TEAD1: variants seen among roughly 807,000 people sequenced by gnomAD.
TEAD1 encodes TEA domain transcription factor 1.
TEAD1 carries 9 observed loss-of-function variants against 54.9 expected under a neutral mutation model. That is an observed-to-expected ratio of 0.16 (90% CI 0.10 to 0.29). The LOEUF (loss-of-function observed/expected upper bound fraction) is 0.29, where lower values mean the gene tolerates loss of function less well. Ranked by LOEUF, TEAD1 falls within the 10% of genes least tolerant of loss-of-function variation. TEAD1 has a pLI of 1.00. For missense variants in TEAD1, 387 were observed against 535.9 expected, an observed-to-expected ratio of 0.72 and a Z score of 2.74; for synonymous variants, 200 against 187.8, an observed-to-expected ratio of 1.07 and a Z score of -0.53.
chr11:12,760,894 A>G (rs1047596071), intron 2 of TEAD1, among the ~76,000 whole-genome samples: 10 of 152,110 alleles, frequency 6.6e-5, no homozygotes, highest in Non-Finnish European at 1.0e-4. Flanking sequence ...GTGTTAGGAA[A>G]TTCTCTGCCC....
chr11:12,799,613 G>A (rs770338816), intron 3 of TEAD1, among the ~76,000 whole-genome samples: 1 of 152,230 alleles, frequency 6.6e-6, no homozygotes, highest in Non-Finnish European at 1.5e-5. Flanking sequence ...ATGCTGGTAA[G>A]AAGAGTTATT....
intron 2 of TEAD1, among the ~76,000 whole-genome samples, chr11:12,721,697 GA>G (rs1033461847): frequency 3.3e-5 from 5 of 151,248 alleles, no homozygotes; most frequent in African/African-American, 7.3e-5. Context: ...TATTTCAACA[GA>G]AAAAAAAAGT....
chr11:12,811,193 A>G (rs766381693), intron 3 of TEAD1, among the ~76,000 whole-genome samples: 31 of 152,236 alleles, frequency 2.0e-4, no homozygotes, highest in Non-Finnish European at 3.8e-4. Flanking sequence ...CTGCTGGGAA[A>G]GTAAAGCTTT....
chr11:12,893,695 G>A lies in TEAD1; in HGVS notation c.700-8245G>A, dbSNP rs996551712. On this transcript the variant is annotated intron_variant, in intron 9 of 12. Coordinates refer to ENST00000527636, the MANE Select transcript of TEAD1 (RefSeq NM_021961.6). ...GTAGAGATGGTGCTGGGAGTGGGAG[G>A]TGGGAAGGATGCATCTCGGTGTGAG... 2.6e-5 allele frequency among the ~76,000 whole-genome samples: 4 copies of A among 152,172 alleles called. No individual in the cohort carries two copies. The South Asian group carries it at 6.2e-4, about 24-fold the overall frequency.
intron 3 of TEAD1, among the ~76,000 whole-genome samples, chr11:12,783,119 T>TGC (rs1191228923): frequency 6.6e-6 from 1 of 150,718 alleles, no homozygotes; most frequent in Non-Finnish European, 1.5e-5. Flanking sequence ...TGTGTGTGTG[T>TGC]GTGTGTGTGT....
intron 3 of TEAD1, among the ~76,000 whole-genome samples, chr11:12,831,196 CTTCT>C (rs1276056408): frequency 1.3e-5 from 2 of 152,176 alleles, no homozygotes; most frequent in Non-Finnish European, 2.9e-5. Context: ...GGTTTTCTTC[CTTCT>C]AACTCTCCCC....
chr11:12,825,135 G>T (rs1024546037), intron 3 of TEAD1, among the ~76,000 whole-genome samples: 2 of 152,060 alleles, frequency 1.3e-5, no homozygotes, highest in African/African-American at 4.8e-5. Flanking sequence ...TAATAGCTTG[G>T]GTGGACTGCT....
At chr11:12,785,742 G>T (rs534298380) in intron 3 of TEAD1, among the ~76,000 whole-genome samples, 2 of 152,074 alleles carry the variant, frequency 1.3e-5, no homozygotes, top group South Asian at 4.1e-4. Context: ...GAAACCTCAG[G>T]GATCTCCCAT....
intron 10 of TEAD1, chr11:12,904,849 C>G (rs1948491506): frequency 5.6e-6 from 2 of 359,466 alleles, no homozygotes; most frequent in Non-Finnish European, 1.1e-5. Context: ...GATCACCAAA[C>G]TGCTGCTAGA....
intron 2 of TEAD1, among the ~76,000 whole-genome samples, chr11:12,729,547 T>A (rs1944378870): frequency 6.6e-6 from 1 of 152,188 alleles, no homozygotes; most frequent in South Asian, 2.1e-4. Context: ...GGTTCTCTTG[T>A]TAAAACTTGT....
At position 12,922,192 on chromosome 11, in the gene TEAD1, C is replaced by CTTTTTTTTTTTTTTTT. The variant is rs756723520; in HGVS notation, c.874-2713_874-2698dup. On this transcript the variant is annotated intron_variant, in intron 10 of 12. Transcript: ENST00000527636. ...AGGGGAATGTGGAGTACATGGTTCT[C>CTTTTTTTTTTTTTTTT]TTTTTTTTTTTTTTTTTTTTTTGAG... is the stretch of plus-strand genomic sequence containing the variant. 1.5e-4 allele frequency among the ~76,000 whole-genome samples: 14 copies of CTTTTTTTTTTTTTTTT among 94,502 alleles called. 1 individual carries two copies. Among genetic ancestry groups the CTTTTTTTTTTTTTTTT allele is most frequent in the African/African-American group, 5.6e-4 (13 of 23,148 alleles). The allele number at this position is 94,502 out of a possible 152,430, so 62.0% of individuals were successfully genotyped here. A position where few individuals can be genotyped will look rare whatever the true frequency, so the allele number is the denominator to read the frequency against.
chr11:12,896,186 A>G (rs1173703714), intron 9 of TEAD1, among the ~76,000 whole-genome samples: 4 of 152,180 alleles, frequency 2.6e-5, no homozygotes, highest in South Asian at 2.1e-4. Context: ...TCAGTTTTAC[A>G]TAGCTACACC....
intron 3 of TEAD1, among the ~76,000 whole-genome samples, chr11:12,785,635 C>T (rs1026763976): frequency 1.3e-5 from 2 of 152,148 alleles, no homozygotes; most frequent in East Asian, 1.9e-4. Flanking sequence ...CATCCCCTAC[C>T]GTCCTGGTCC....
intron 3 of TEAD1, among the ~76,000 whole-genome samples, chr11:12,834,846 G>T (rs1374727310): frequency 2.0e-5 from 3 of 151,666 alleles, no homozygotes; most frequent in Non-Finnish European, 2.9e-5. Flanking sequence ...CAAATTCTTG[G>T]CCTCAAGCTA....
chr11:12,678,494 C>T (rs1373099101), intron 2 of TEAD1, among the ~76,000 whole-genome samples: 2 of 152,168 alleles, frequency 1.3e-5, no homozygotes, highest in African/African-American at 4.8e-5. Flanking sequence ...TGTGTTTGAA[C>T]CACATCAGTG....
intron 9 of TEAD1, among the ~76,000 whole-genome samples, chr11:12,885,278 C>G (rs1428192034): frequency 6.8e-6 from 1 of 146,874 alleles, no homozygotes. Context: ...CTCTGTTGCC[C>G]AGGCTGGAGT....
intron 9 of TEAD1, among the ~76,000 whole-genome samples, chr11:12,894,695 G>A (rs1348945154): frequency 6.6e-6 from 1 of 152,168 alleles, no homozygotes. Context: ...TCGCCTTAAT[G>A]AGTCTGAAAC....
intron 3 of TEAD1, among the ~76,000 whole-genome samples, chr11:12,781,487 C>A (rs1945540407): frequency 6.6e-6 from 1 of 151,694 alleles, no homozygotes; most frequent in African/African-American, 2.4e-5. Flanking sequence ...AGATAACTAT[C>A]CAGTTAAAGA....
intron 6 of TEAD1, among the ~76,000 whole-genome samples, chr11:12,880,664 G>C (rs544114527): frequency 6.6e-6 from 1 of 152,364 alleles, no homozygotes; most frequent in Non-Finnish European, 1.5e-5. Context: ...GTTTCAGAAT[G>C]AAGGGAGGGT....
Sources: allele counts gnomAD v4.1 joint callset (sites outside exome capture counted in the v4.1 genomes callset), GRCh38; gene constraint gnomAD v4.1.1; transcripts MANE v1.5; gene names NCBI Gene and HGNC (gene_info 2026-07-23, HGNC 2026-07-21).